The following MED22 variants were observed in gnomAD, a reference collection of about 807,000 sequenced individuals.
MED22 encodes mediator of RNA polymerase II transcription subunit 22.
A neutral mutation model predicts 22.7 loss-of-function variants in MED22; 22 were observed. That is an observed-to-expected ratio of 0.97 (90% CI 0.69 to 1.38). The LOEUF (loss-of-function observed/expected upper bound fraction) is 1.38, where lower values mean the gene tolerates loss of function less well. Among genes scored for constraint, MED22 ranks in the 40% most tolerant of loss-of-function variants. The pLI is 0.00. For synonymous variants in MED22, 134 were observed against 119.4 expected (o/e 1.12, Z -0.80); for missense variants, 247 against 263.0 (o/e 0.94, Z 0.42).
In MED22 at chr9:133,344,086, G is replaced by A. The variant is rs2129959134; in HGVS notation, c.413+39C>T. The A allele has an allele frequency of 6.8e-6, 11 of 1,606,060 alleles. No homozygotes were observed. The East Asian group carries it at 1.8e-4, about 26-fold the overall frequency. ...CCTGCTGGCCAGGCCCAGGTAGGCAGGCTCCCGCTCTGCATGGGGAGTCCA... is the reference window on the plus strand; with the variant it reads ...CCTGCTGGCCAGGCCCAGGTAGGCAAGCTCCCGCTCTGCATGGGGAGTCCA... On this transcript the variant is annotated intron_variant, in intron 4 of 4. Transcript: ENST00000343730.
intron 4 of MED22, chr9:133,342,618 G>A (rs1015163290): frequency 1.0e-6 from 1 of 986,244 alleles, no homozygotes; most frequent in Non-Finnish European, 1.2e-6. Context: ...GAGGAAACTC[G>A]GCCAGGACCT....
At chr9:133,344,007 C>T in intron 4 of MED22, 118 bp downstream of exon 4, 1 of 1,517,666 alleles carries the variant, frequency 6.6e-7, no homozygotes, top group African/African-American at 1.4e-5. Flanking sequence ...GAAACCCAGG[C>T]ATGGCTCCAC....
rs2129960892 is a variant in MED22 at position 133,344,247 on chromosome 9, G to A, written c.291C>T (p.Ala97=). ...ILNDFPSVNE[A]IDQRNQQLRT... ...GCAGCTGCTGGTTGCGCTGGTCAAT[G>A]GCCTCGTTCACGGAGGGGAAGTCAT... Residue 97 remains alanine, a synonymous_variant, in exon 4 of 5, where the codon GCC becomes GCT. Transcript: ENST00000343730. 6.2e-7 allele frequency: 1 copy of A among 1,614,212 alleles called. No homozygotes were observed. The highest frequency in any genetic ancestry group is 8.5e-7 in the Non-Finnish European group (1 of 1,180,044).
chr9:133,341,873 C>G (rs2129951392), intron 4 of MED22, 179 bp from the exon 5 acceptor site: 2 of 1,381,502 alleles, frequency 1.4e-6, no homozygotes, highest in Non-Finnish European at 9.3e-7. Context: ...CAAGGAGAGG[C>G]GGCCAGTGGT....
At position 133,344,205 on chromosome 9, in the gene MED22, C is replaced by T. The variant is rs2129960454; in HGVS notation, c.333G>A (p.Glu111=). The change falls in exon 4 of 5, where the codon GAG becomes GAA. Residue 111 remains glutamate (E), a synonymous_variant. Coordinates refer to ENST00000343730, the MANE Select transcript of MED22 (RefSeq NM_133640.5). ...RNQQLRTLQE[E]CDRKLITLRD... is the part of the protein sequence containing the mutation. The stretch of plus-strand genomic sequence containing the variant: ...GCAGCGTGATGAGCTTCCGGTCGCA[C>T]TCCTCCTGCAGTGTGCGCAGCTGCT... The T allele has an allele frequency of 9.9e-6, 16 of 1,614,096 alleles. No individual in the cohort carries two copies. In the Admixed American group the frequency reaches 1.7e-4, roughly 17 times the overall value.
Position 133,341,259 on chromosome 9 carries a change from G to T in MED22, c.*246C>A. On this transcript the variant is annotated 3_prime_UTR_variant, in exon 5 of 5. Transcript: ENST00000343730. ...AACTTTCTTCCACCTGGCTGGCCAGGAAGGCAGCAAACAGAGATGATGACT... is the reference window on the plus strand; with the variant it reads ...AACTTTCTTCCACCTGGCTGGCCAGTAAGGCAGCAAACAGAGATGATGACT... 1 of 417,384 alleles carries T rather than the reference G, an allele frequency of 2.4e-6. No homozygotes were observed. Among genetic ancestry groups the T allele is most frequent in the Non-Finnish European group, 4.2e-6 (1 of 239,884 alleles). The allele number at this position is 417,384 out of a possible 1,614,324, so 25.9% of individuals were successfully genotyped here.
chr9:133,342,782 G>C (rs1000034576), intron 4 of MED22: 3 of 985,708 alleles, frequency 3.0e-6, no homozygotes, highest in East Asian at 1.1e-4. Context: ...GGGACTGTTG[G>C]GGGAGGGCAT....
In MED22 at chr9:133,339,288, C is replaced by T. The variant is rs1273524418; in HGVS notation, c.*2217G>A. 4.5e-5 allele frequency: 32 copies of T among 704,604 alleles called. No homozygotes were observed. Among genetic ancestry groups the T allele is most frequent in the Admixed American group, 2.0e-4 (11 of 56,222 alleles). 43.6% of individuals were successfully genotyped at this position (704,604 alleles called of 1,614,324 possible). ...TCAGCACACTAAGCACTCTAAGAGC[C>T]GAGAGAGCTTCCTGAAACGCGTGAA... On this transcript the variant is annotated 3_prime_UTR_variant, in exon 5 of 5. Coordinates refer to ENST00000343730, the MANE Select transcript of MED22 (RefSeq NM_133640.5).
chr9:133,343,112 T>C, intron 4 of MED22: 1 of 1,014,076 alleles, frequency 9.9e-7, no homozygotes, highest in Non-Finnish European at 1.2e-6. Context: ...CCTGGAAAAC[T>C]CTAGGACTGC....
rs2129964564 is a variant in MED22, at chr9:133,345,258, G to A, written c.124-6C>T. ...ACCTGCGTCTCGTCCTCAATCTGGG[G>A]GAAAACAAGAAAACCTAGAAATCAA... On this transcript the variant is annotated splice_region_variant and splice_polypyrimidine_tract_variant and intron_variant, in intron 2 of 4. Coordinates refer to ENST00000343730, the MANE Select transcript of MED22 (RefSeq NM_133640.5). The A allele has an allele frequency of 1.8e-4, 285 of 1,613,564 alleles. No homozygotes were observed. The highest frequency in any genetic ancestry group is 2.3e-4 in the Non-Finnish European group (272 of 1,179,938).
intron 4 of MED22, chr9:133,342,786 A>G: frequency 1.0e-6 from 1 of 985,614 alleles, no homozygotes; most frequent in Non-Finnish European, 1.2e-6. Flanking sequence ...CTGTTGGGGG[A>G]GGGCATGGGA....
chr9:133,342,847 G>A (rs2129955117), intron 4 of MED22: 7 of 985,590 alleles, frequency 7.1e-6, no homozygotes, highest in Non-Finnish European at 8.4e-6. Flanking sequence ...GCAGGGCCGT[G>A]AGCAGGTTCC....
rs1306446039 is a variant in MED22, at chr9:133,341,416, G to A, written c.*89C>T. 2 of 1,358,944 alleles carry A rather than the reference G, an allele frequency of 1.5e-6. No homozygotes were observed. The highest frequency in any genetic ancestry group is 3.0e-5 in the East Asian group (1 of 33,312). 84.2% of individuals were successfully genotyped at this position (1,358,944 alleles called of 1,614,324 possible). A position where few individuals can be genotyped will look rare whatever the true frequency, so the allele number is the denominator to read the frequency against. Reference sequence around the variant, plus strand: ...CTGGGGTCCTGAAGTCCCCAAATGGGAACCTAGGCTGAGAGAAGCAAGGCT... The same window carrying A: ...CTGGGGTCCTGAAGTCCCCAAATGGAAACCTAGGCTGAGAGAAGCAAGGCT... On this transcript the variant is annotated 3_prime_UTR_variant, in exon 5 of 5. Transcript: ENST00000343730.
chr9:133,346,925 C>T (rs2129970433), intron 1 of MED22, among the ~76,000 whole-genome samples: 1 of 152,336 alleles, frequency 6.6e-6, no homozygotes, highest in East Asian at 1.9e-4. Flanking sequence ...CTGGCCAGCC[C>T]TCCAAGCCCT....
intron 4 of MED22, chr9:133,343,820 C>T: frequency 7.1e-7 from 1 of 1,404,394 alleles, no homozygotes; most frequent in Non-Finnish European, 9.2e-7. Flanking sequence ...GAGGAAGGCT[C>T]TCGGAAGAGG....
rs1835955447 is a variant in MED22, at chr9:133,339,233, GATTCTTGCCAAGAGAATGAATGTGCAT to G, written c.*2245_*2271del. 1 of 695,586 alleles carries G rather than the reference GATTCTTGCCAAGAGAATGAATGTGCAT, an allele frequency of 1.4e-6. No individual in the cohort carries two copies. The highest frequency in any genetic ancestry group is 1.8e-5 in the African/African-American group (1 of 57,012). The allele number at this position is 695,586 out of a possible 1,614,324, so 43.1% of individuals were successfully genotyped here. On this transcript the variant is annotated 3_prime_UTR_variant, in exon 5 of 5. Transcript: ENST00000343730. ...CACTGTTGTAAACAAGTAAGGGCAA[GATTCTTGCCAAGAGAATGAATGTGCAT>G]ATTCAGCACACTAAGCACTCTAAGA...
In MED22 at chr9:133,339,315, G is replaced by A. The variant is rs2129942471; in HGVS notation, c.*2190C>T. On this transcript the variant is annotated 3_prime_UTR_variant, in exon 5 of 5. Coordinates refer to ENST00000343730, the MANE Select transcript of MED22 (RefSeq NM_133640.5). ...AGAGAGCTTCCTGAAACGCGTGAAG[G>A]AAAATGATCAGAAAAAGAGGGAAGC... 5.5e-5 allele frequency: 39 copies of A among 709,642 alleles called. 1 individual carries two copies. Among genetic ancestry groups the A allele is most frequent in the East Asian group, 2.5e-4 (9 of 36,258 alleles). The allele number at this position is 709,642 out of a possible 1,614,324, so 44.0% of individuals were successfully genotyped here. A position where few individuals can be genotyped will look rare whatever the true frequency, so the allele number is the denominator to read the frequency against.
At chr9:133,346,423 G>A in intron 2 of MED22, 117 bp downstream of exon 2, 1 of 1,311,172 alleles carries the variant, frequency 7.6e-7, no homozygotes, top group South Asian at 1.3e-5. Context: ...CCAGCTCCCT[G>A]TGCACTGGGT....
At chr9:133,346,990 C>T (rs2129970639) in intron 1 of MED22, among the ~76,000 whole-genome samples, 3 of 152,184 alleles carry the variant, frequency 2.0e-5, no homozygotes, top group Non-Finnish European at 2.9e-5. Context: ...TCCCAGGGAG[C>T]CCTGCAAACT....
Sources: allele counts gnomAD v4.1 joint callset (sites outside exome capture counted in the v4.1 genomes callset), GRCh38; gene constraint gnomAD v4.1.1; transcripts MANE v1.5; gene names NCBI Gene and HGNC (gene_info 2026-07-23, HGNC 2026-07-21).